The following LYPLAL1 variants were observed in gnomAD, a reference collection of about 807,000 sequenced individuals.
LYPLAL1 encodes lysophospholipase-like protein 1.
A neutral mutation model predicts 19.7 loss-of-function variants in LYPLAL1; 23 were observed. The observed-to-expected ratio is 1.17, with a 90% CI of 0.84 to 1.65. LYPLAL1 has a LOEUF of 1.65. Ranked by LOEUF, LYPLAL1 falls within the 40% of genes most tolerant of loss-of-function variation. The pLI is 0.00. For missense variants in LYPLAL1, 355 were observed against 279.4 expected (o/e 1.27, Z -1.93); for synonymous variants, 119 against 96.3 (o/e 1.24, Z -1.38).
chr1:219,317,117 A>C, the LYPLAL1 span, among the ~76,000 whole-genome samples: 1 of 152,218 alleles, frequency 6.6e-6, no homozygotes, highest in Non-Finnish European at 1.5e-5. Context: ...TTTGTTGTTC[A>C]ATTTTTATAA....
At chr1:219,374,761 CT>C in the LYPLAL1 span, among the ~76,000 whole-genome samples, 1 of 152,048 alleles carries the variant, frequency 6.6e-6, no homozygotes, top group African/African-American at 2.4e-5. Context: ...GGCAAAACAG[CT>C]GACATTAACC....
At chr1:219,297,849 A>T in the LYPLAL1 span, among the ~76,000 whole-genome samples, 1 of 152,216 alleles carries the variant, frequency 6.6e-6, no homozygotes, top group Admixed American at 6.5e-5. Context: ...TAAAACACTA[A>T]CACAACAAAC....
At chr1:219,290,545 A>G in the LYPLAL1 span, among the ~76,000 whole-genome samples, 1 of 152,198 alleles carries the variant, frequency 6.6e-6, no homozygotes, top group Non-Finnish European at 1.5e-5. Flanking sequence ...AAACCCTTAT[A>G]GCAGAGCACA....
the LYPLAL1 span, among the ~76,000 whole-genome samples, chr1:219,390,518 A>G: frequency 6.6e-6 from 1 of 152,198 alleles, no homozygotes; most frequent in Non-Finnish European, 1.5e-5. Flanking sequence ...GTATCTGCAT[A>G]ATATGACGAC....
the LYPLAL1 span, among the ~76,000 whole-genome samples, chr1:219,399,725 G>A: frequency 1.3e-5 from 2 of 152,128 alleles, no homozygotes; most frequent in Non-Finnish European, 2.9e-5. Context: ...CAGACAAGGT[G>A]GGGTCCCAGG....
chr1:219,224,488 A>T, the LYPLAL1 span, among the ~76,000 whole-genome samples: 39 of 152,232 alleles, frequency 2.6e-4, no homozygotes, highest in African/African-American at 8.9e-4. Flanking sequence ...GAATTCAGAG[A>T]TTATCATTTT....
At chr1:219,329,513 C>T in the LYPLAL1 span, among the ~76,000 whole-genome samples, 2 of 152,074 alleles carry the variant, frequency 1.3e-5, no homozygotes, top group African/African-American at 4.8e-5. Flanking sequence ...AATAGGTATG[C>T]AAAAAATTTT....
At chr1:219,299,280 T>C in the LYPLAL1 span, among the ~76,000 whole-genome samples, 2 of 151,974 alleles carry the variant, frequency 1.3e-5, no homozygotes, top group Non-Finnish European at 2.9e-5. Flanking sequence ...AAGCAGCCAA[T>C]GTGGGACTCA....
At chr1:219,204,613 T>C (rs902057996) in intron 3 of LYPLAL1, among the ~76,000 whole-genome samples, 3 of 152,340 alleles carry the variant, frequency 2.0e-5, no homozygotes, top group Non-Finnish European at 2.9e-5. Context: ...TGTCAGTGTT[T>C]TCTATTTAGG....
intron 3 of LYPLAL1, chr1:219,200,291 T>G: frequency 4.6e-6 from 1 of 215,828 alleles, no homozygotes; most frequent in East Asian, 1.0e-4. Context: ...GTAGCTCCAG[T>G]ACTTCTGTTT....
chr1:219,443,710 C>A, the LYPLAL1 span, among the ~76,000 whole-genome samples: 3 of 151,396 alleles, frequency 2.0e-5, no homozygotes, highest in Non-Finnish European at 4.4e-5. Flanking sequence ...AAAGAAAGAC[C>A]CAAACACTTC....
chr1:219,414,446 C>T, the LYPLAL1 span, among the ~76,000 whole-genome samples: 14 of 152,138 alleles, frequency 9.2e-5, no homozygotes, highest in Non-Finnish European at 1.9e-4. Context: ...ACTTAAATTC[C>T]AGCTCTGCCA....
chr1:219,330,507 C>T, the LYPLAL1 span, among the ~76,000 whole-genome samples: 134 of 152,192 alleles, frequency 8.8e-4, 1 homozygote, highest in African/African-American at 3.0e-3. Flanking sequence ...CTGTGTTGAA[C>T]CTAAGTTACA....
chr1:219,239,977 A>G, the LYPLAL1 span, among the ~76,000 whole-genome samples: 56 of 152,236 alleles, frequency 3.7e-4, no homozygotes, highest in Non-Finnish European at 6.6e-4. Context: ...TATTTCTACT[A>G]TCATTAAACC....
At chr1:219,309,934 C>T in the LYPLAL1 span, among the ~76,000 whole-genome samples, 1 of 152,208 alleles carries the variant, frequency 6.6e-6, no homozygotes, top group Admixed American at 6.5e-5. Flanking sequence ...GAGTTGGAAT[C>T]CCAGTCTTAG....
At chr1:219,341,905 A>T in the LYPLAL1 span, among the ~76,000 whole-genome samples, 1 of 152,174 alleles carries the variant, frequency 6.6e-6, no homozygotes, top group African/African-American at 2.4e-5. Flanking sequence ...TATCTTTCTA[A>T]TAGATTTGTT....
At chr1:219,347,825 T>C in the LYPLAL1 span, among the ~76,000 whole-genome samples, 1 of 151,866 alleles carries the variant, frequency 6.6e-6, no homozygotes, top group African/African-American at 2.4e-5. Flanking sequence ...TTTTCCCTTC[T>C]TTTTCACAAA....
chr1:219,333,452 T>C, the LYPLAL1 span, among the ~76,000 whole-genome samples: 1 of 151,870 alleles, frequency 6.6e-6, no homozygotes, highest in Non-Finnish European at 1.5e-5. Context: ...AGAACAGAGG[T>C]AAGGGTGGTT....
At chr1:219,391,237 A>G in the LYPLAL1 span, among the ~76,000 whole-genome samples, 1 of 152,084 alleles carries the variant, frequency 6.6e-6, no homozygotes, top group African/African-American at 2.4e-5. Context: ...TTTCTCCTCC[A>G]TGGACTGCTA....
Sources: gnomAD v4.1 joint callset for allele counts (sites outside exome capture counted in the v4.1 genomes callset) on GRCh38, gnomAD v4.1.1 for gene constraint, MANE v1.5 for transcripts, NCBI Gene and HGNC (gene_info 2026-07-23, HGNC 2026-07-21) for gene names.